The following CREM variants were observed in gnomAD, a reference collection of about 807,000 sequenced individuals.
CREM encodes cAMP-responsive element modulator.
In CREM, 13 loss-of-function variants were observed where a neutral mutation model predicts 37.3. The observed-to-expected ratio is 0.35, with a 90% CI of 0.23 to 0.55. The LOEUF (loss-of-function observed/expected upper bound fraction) is 0.55. Ranked by LOEUF, CREM falls within the 20% of genes least tolerant of loss-of-function variation. The pLI, the probability that CREM is intolerant of heterozygous loss-of-function variation, is 0.88. For missense variants in CREM, 296 were observed against 362.3 expected, an observed-to-expected ratio of 0.82 and a Z score of 1.49; for synonymous variants, 124 against 120.2, an observed-to-expected ratio of 1.03 and a Z score of -0.21.
chr10:35,200,985 C>G (rs1023969396), intron 6 of CREM, among the ~76,000 whole-genome samples: 2 of 150,168 alleles, frequency 1.3e-5, no homozygotes, highest in Non-Finnish European at 3.0e-5. Context: ...GTTTCCTACT[C>G]TCACTTGTGG....
At position 35,186,917 on chromosome 10, in the gene CREM, AAT is replaced by A. The variant is rs1249511832; in HGVS notation, c.410-1278_410-1277del. On this transcript the variant is annotated intron_variant, in intron 5 of 7. Coordinates refer to ENST00000685392, the MANE Select transcript of CREM (RefSeq NM_183011.2). The stretch of plus-strand genomic sequence containing the variant: ...ATTATAAAAATATAATAATTATTAA[AAT>A]ATATGTTATATATAAATACAATATA... Among the ~76,000 whole-genome samples, 17 of 104,938 alleles carry A rather than the reference AAT, an allele frequency of 1.6e-4. 1 individual carries two copies. The highest frequency in any genetic ancestry group is 6.0e-4 in the African/African-American group (15 of 25,108). The allele number at this position is 104,938 out of a possible 152,430, so 68.8% of individuals were successfully genotyped here.
chr10:35,170,189 T>G (rs538275132), intron 3 of CREM, among the ~76,000 whole-genome samples: 93 of 152,156 alleles, frequency 6.1e-4, no homozygotes, highest in African/African-American at 1.9e-3. Context: ...ATGGTCTCTA[T>G]CTCCTGAACT....
rs1417466794 is a variant in CREM, at chr10:35,201,990, G to A, written c.599-4905G>A. On this transcript the variant is annotated intron_variant, in intron 6 of 7. Transcript: ENST00000685392. ...GAAACACCCATTATATGCCAAGTAT[G>A]TGCTAGATTCTAGGGGTTTCTGGGG... 4.6e-5 allele frequency among the ~76,000 whole-genome samples: 7 copies of A among 152,288 alleles called. No individual in the cohort carries two copies. In the South Asian group the frequency reaches 1.5e-3, roughly 32 times the overall value.
intron 6 of CREM, chr10:35,195,035 C>G (rs530936846): frequency 1.5e-5 from 10 of 649,876 alleles, no homozygotes; most frequent in Non-Finnish European, 2.3e-5. Context: ...TCAGTGAGCT[C>G]GCCTGTGACA....
intron 6 of CREM, chr10:35,201,604 G>C: frequency 7.6e-7 from 1 of 1,313,726 alleles, no homozygotes; most frequent in South Asian, 1.4e-5. Context: ...AGAGTTCTAG[G>C]AATTTTCTTT....
In CREM at chr10:35,187,153, AT is replaced by A. The variant is rs1564922353; in HGVS notation, c.410-1046del. Among the ~76,000 whole-genome samples the A allele has an allele frequency of 1.7e-3, 90 of 54,346 alleles. 1 individual carries two copies. In the East Asian group the frequency reaches 0.019, roughly 11 times the overall value. 35.7% of individuals were successfully genotyped at this position (54,346 alleles called of 152,430 possible). On this transcript the variant is annotated intron_variant, in intron 5 of 7. Coordinates refer to ENST00000685392, the MANE Select transcript of CREM (RefSeq NM_183011.2). The stretch of plus-strand genomic sequence containing the variant: ...ATTAATATATTAATATATAATATAT[AT>A]AATATATATTATATATTAATATTAA...
intron 6 of CREM, among the ~76,000 whole-genome samples, chr10:35,199,938 G>C (rs2095335053): frequency 7.3e-6 from 1 of 137,924 alleles, no homozygotes; most frequent in Non-Finnish European, 1.5e-5. Flanking sequence ...TGCCCAGGCT[G>C]GAGTACAGTG....
chr10:35,144,864 G>A (rs946609259), intron 2 of CREM, among the ~76,000 whole-genome samples: 1 of 151,020 alleles, frequency 6.6e-6, no homozygotes, highest in Non-Finnish European at 1.5e-5. Context: ...ATCAGTTATT[G>A]AGTTGTAACT....
In CREM at chr10:35,211,554, G is replaced by A. The variant is rs2095665329; in HGVS notation, c.*156G>A. Reference sequence around the variant, plus strand: ...TGAATTGGGAATGTTGTTCCAGGATGTGGAATGCAGCCGTGATCACACTTA... The same window carrying A: ...TGAATTGGGAATGTTGTTCCAGGATATGGAATGCAGCCGTGATCACACTTA... On this transcript the variant is annotated 3_prime_UTR_variant, in exon 8 of 8. Transcript: ENST00000685392. 6.6e-7 allele frequency: 1 copy of A among 1,506,460 alleles called. No homozygotes were observed. The highest frequency in any genetic ancestry group is 1.4e-5 in the African/African-American group (1 of 71,840). The allele number at this position is 1,506,460 out of a possible 1,614,324, so 93.3% of individuals were successfully genotyped here.
intron 6 of CREM, among the ~76,000 whole-genome samples, chr10:35,204,215 G>A (rs1004209595): frequency 6.6e-6 from 1 of 152,116 alleles, no homozygotes; most frequent in Non-Finnish European, 1.5e-5. Context: ...AGTTTTGTAC[G>A]ACTCATTGAG....
chr10:35,166,251 A>G (rs937097491), intron 3 of CREM, among the ~76,000 whole-genome samples: 2 of 143,040 alleles, frequency 1.4e-5, no homozygotes, highest in Admixed American at 7.1e-5. Flanking sequence ...TAGCCACACT[A>G]TCTTAAAAAC....
At chr10:35,138,526 ATTT>A (rs752036917) in intron 2 of CREM, among the ~76,000 whole-genome samples, 5 of 136,908 alleles carry the variant, frequency 3.7e-5, no homozygotes, top group Admixed American at 2.2e-4. Flanking sequence ...AAATTTTAGA[ATTT>A]TTTTTTTTTT....
intron 1 of CREM, among the ~76,000 whole-genome samples, chr10:35,135,034 T>C (rs2090207961): frequency 6.8e-6 from 1 of 147,624 alleles, no homozygotes; most frequent in Non-Finnish European, 1.5e-5. Context: ...CAAGACTCAG[T>C]CTCAAAAAAA....
At chr10:35,181,886 CAAA>C (rs942467827) in intron 5 of CREM, among the ~76,000 whole-genome samples, 1 of 151,562 alleles carries the variant, frequency 6.6e-6, no homozygotes, top group African/African-American at 2.4e-5. Context: ...AAACAACAAA[CAAA>C]AAAAACACAT....
At chr10:35,148,661 T>A (rs1048677810) in intron 3 of CREM, 170 bp downstream of exon 3, 44 of 721,258 alleles carry the variant, frequency 6.1e-5, no homozygotes, top group Non-Finnish European at 9.0e-5. Context: ...GCCTTGCATT[T>A]TAACAGACAT....
chr10:35,133,579 G>A (rs1281535794), intron 1 of CREM, among the ~76,000 whole-genome samples: 6 of 152,200 alleles, frequency 3.9e-5, no homozygotes, highest in Non-Finnish European at 5.9e-5. Flanking sequence ...GATTACAGGC[G>A]TGAGCCATGG....
rs541051704 is a variant in CREM at position 35,146,557 on chromosome 10, G to A, written c.45-1811G>A. ...TGCTCACATAACCAAAAGTATAACAGTAGGAATTAACACTTCATGTGTGAT... is the reference window on the plus strand; with the variant it reads ...TGCTCACATAACCAAAAGTATAACAATAGGAATTAACACTTCATGTGTGAT... On this transcript the variant is annotated intron_variant, in intron 2 of 7. Transcript: ENST00000685392. Among the ~76,000 whole-genome samples the A allele has an allele frequency of 2.6e-5, 4 of 152,264 alleles. No individual in the cohort carries two copies. In the South Asian group the frequency reaches 8.3e-4, roughly 32 times the overall value.
At chr10:35,129,033 T>C (rs2088766883) in intron 1 of CREM, among the ~76,000 whole-genome samples, 1 of 152,218 alleles carries the variant, frequency 6.6e-6, no homozygotes, top group African/African-American at 2.4e-5. Flanking sequence ...TATATTAAAA[T>C]GGTTTTGATC....
intron 6 of CREM, among the ~76,000 whole-genome samples, chr10:35,197,798 T>C (rs1469532738): frequency 6.6e-6 from 1 of 152,126 alleles, no homozygotes; most frequent in Non-Finnish European, 1.5e-5. Flanking sequence ...AGCACAGGGT[T>C]AAGGGACTTT....
Sources: allele counts gnomAD v4.1 joint callset (sites outside exome capture counted in the v4.1 genomes callset), GRCh38; gene constraint gnomAD v4.1.1; transcripts MANE v1.5; gene names NCBI Gene and HGNC (gene_info 2026-07-23, HGNC 2026-07-21).